The following ANKAR variants were observed in gnomAD, a reference collection of about 807,000 sequenced individuals.
ANKAR encodes the protein ankyrin and armadillo repeat-containing protein.
A neutral mutation model predicts 146.2 loss-of-function variants in ANKAR; 136 were observed. The observed-to-expected ratio is 0.93, with a 90% CI of 0.81 to 1.07. ANKAR has a LOEUF of 1.07. Ranked by LOEUF, ANKAR falls within the 50% of genes least tolerant of loss-of-function variation. The pLI is 0.00. For missense variants in ANKAR, 1,567 were observed against 1,679.9 expected (o/e 0.93, Z 1.18); for synonymous variants, 500 against 575.8 (o/e 0.87, Z 1.88).
At chr2:189,754,322 T>C (rs1442018403) in intron 18 of ANKAR, 1 of 1,608,192 alleles carries the variant, frequency 6.2e-7, no homozygotes, top group Non-Finnish European at 8.5e-7. Context: ...CTGGATGTTT[T>C]ATTAAAGAAA....
intron 3 of ANKAR, among the ~76,000 whole-genome samples, chr2:189,690,199 A>G (rs1007646466): frequency 2.6e-5 from 4 of 152,186 alleles, no homozygotes; most frequent in Non-Finnish European, 5.9e-5. Flanking sequence ...GTAAGTTAAA[A>G]TAAGTTCTGT....
intron 7 of ANKAR, among the ~76,000 whole-genome samples, chr2:189,698,541 A>T (rs1169915378): frequency 6.6e-6 from 1 of 152,262 alleles, no homozygotes; most frequent in Non-Finnish European, 1.5e-5. Flanking sequence ...AAGAGGTTAT[A>T]CTTTCTTTGT....
chr2:189,690,425 A>G (rs1282690841), intron 3 of ANKAR, among the ~76,000 whole-genome samples: 1 of 152,240 alleles, frequency 6.6e-6, no homozygotes, highest in Non-Finnish European at 1.5e-5. Context: ...TATTAAAACT[A>G]CAGTAATTAA....
intron 20 of ANKAR, among the ~76,000 whole-genome samples, chr2:189,742,904 TGACACACACACACACACACA>T (rs2043528968): frequency 8.5e-4 from 9 of 10,540 alleles, no homozygotes; most frequent in Non-Finnish European, 1.8e-3. Flanking sequence ...TAGAATTACC[TGACACACACACACACACACA>T]CACACACACA....
intron 2 of ANKAR, among the ~76,000 whole-genome samples, chr2:189,677,499 C>T (rs533429004): frequency 1.3e-5 from 2 of 152,136 alleles, no homozygotes; most frequent in South Asian, 4.1e-4. Flanking sequence ...CCTTTGCGTC[C>T]TCATAGCTTA....
At chr2:189,750,488 T>C (rs1265893596), downstream of ANKAR, 3 of 660,722 alleles carry the variant, frequency 4.5e-6, no homozygotes, top group Non-Finnish European at 7.8e-6. Context: ...TAATTAATAT[T>C]ATATATCTTC....
At chr2:189,740,724 G>A (rs1297965715) in intron 19 of ANKAR, among the ~76,000 whole-genome samples, 13 of 149,824 alleles carry the variant, frequency 8.7e-5, no homozygotes, top group Admixed American at 6.0e-4. Flanking sequence ...ACGGAGTTTC[G>A]CTCTTGTTGC....
At chr2:189,685,166 C>A (rs1305540882) in intron 2 of ANKAR, among the ~76,000 whole-genome samples, 3 of 151,926 alleles carry the variant, frequency 2.0e-5, no homozygotes, top group African/African-American at 7.3e-5. Context: ...CCACCATGCC[C>A]AGCTAATTTT....
intron 10 of ANKAR, among the ~76,000 whole-genome samples, chr2:189,718,089 A>AT (rs2040735387): frequency 2.3e-4 from 2 of 8,858 alleles, no homozygotes; most frequent in African/African-American, 3.5e-4. Flanking sequence ...AGTATAATAA[A>AT]AAAATAAAAT....
chr2:189,687,631 C>T (rs988177510), intron 2 of ANKAR, among the ~76,000 whole-genome samples: 1 of 152,076 alleles, frequency 6.6e-6, no homozygotes, highest in South Asian at 2.1e-4. Context: ...TCATTTTTGC[C>T]TGTCATTTGG....
At chr2:189,700,296 G>T (rs1354475986) in intron 7 of ANKAR, among the ~76,000 whole-genome samples, 1 of 152,108 alleles carries the variant, frequency 6.6e-6, no homozygotes, top group African/African-American at 2.4e-5. Flanking sequence ...CACACTTCCT[G>T]CTTGCATAGT....
At chr2:189,753,834 C>A in intron 18 of ANKAR, 1 of 1,442,670 alleles carries the variant, frequency 6.9e-7, no homozygotes, top group Non-Finnish European at 9.4e-7. Context: ...ATCTGTTCAT[C>A]CTAAACACAA....
At chr2:189,707,446 C>T (rs2039093276) in intron 9 of ANKAR, among the ~76,000 whole-genome samples, 1 of 84,984 alleles carries the variant, frequency 1.2e-5, no homozygotes. Flanking sequence ...ACATCCTCTC[C>T]TTCATCAAAA....
Position 189,737,669 on chromosome 2 carries a change from T to C in ANKAR, c.3424-14T>C. The C allele has an allele frequency of 6.3e-7, 1 of 1,578,994 alleles. No homozygotes were observed. The highest frequency in any genetic ancestry group is 1.2e-5 in the South Asian group (1 of 83,418). ...AATGAAGTTCACCATAATGCCTGTT[T>C]CTCCTATTTTTAGGATATTTGCTTA... On this transcript the variant is annotated splice_polypyrimidine_tract_variant and intron_variant, in intron 17 of 22. Coordinates refer to ENST00000684021, the MANE Select transcript of ANKAR (RefSeq NM_001378068.1).
intron 20 of ANKAR, among the ~76,000 whole-genome samples, chr2:189,742,957 CACACACACACACACACACACACA>C (rs1559147862): frequency 8.3e-5 from 12 of 144,432 alleles, no homozygotes; most frequent in African/African-American, 3.2e-4. Flanking sequence ...CACACACACA[CACACACACACACACACACACACA>C]CCCCTGAAAG....
intron 10 of ANKAR, among the ~76,000 whole-genome samples, chr2:189,711,692 A>G (rs888192871): frequency 6.6e-6 from 1 of 152,208 alleles, no homozygotes; most frequent in Non-Finnish European, 1.5e-5. Flanking sequence ...CGCAGAAGAC[A>G]GGTGATTTCT....
At chr2:189,739,814 G>A (rs999553327) in intron 19 of ANKAR, among the ~76,000 whole-genome samples, 28 of 151,938 alleles carry the variant, frequency 1.8e-4, no homozygotes, top group Admixed American at 7.2e-4. Context: ...CGCCCGCCTC[G>A]GCCTCTCAAA....
At chr2:189,762,522 G>T, downstream of ANKAR, 1 of 877,848 alleles carries the variant, frequency 1.1e-6, no homozygotes, top group Non-Finnish European at 1.4e-6. Context: ...AGGATTGTAC[G>T]AAGCACTACC....
At chr2:189,706,657 T>C (rs1001787374) in intron 8 of ANKAR, among the ~76,000 whole-genome samples, 3 of 152,148 alleles carry the variant, frequency 2.0e-5, no homozygotes, top group Non-Finnish European at 4.4e-5. Flanking sequence ...GTTGTAAGGC[T>C]TAGATAGGAT....
Sources: gnomAD v4.1 joint callset for allele counts (sites outside exome capture counted in the v4.1 genomes callset) on GRCh38, gnomAD v4.1.1 for gene constraint, MANE v1.5 for transcripts, NCBI Gene and HGNC (gene_info 2026-07-23, HGNC 2026-07-21) for gene names.